The following SDK1 variants were observed in gnomAD, a reference collection of about 807,000 sequenced individuals.
SDK1 encodes the protein sidekick cell adhesion molecule 1.
A neutral mutation model predicts 245.5 loss-of-function variants in SDK1; 157 were observed. The ratio of observed to expected loss-of-function variants is 0.64; its 90% CI spans 0.56 to 0.73. SDK1 has a LOEUF of 0.73. Among genes scored for constraint, SDK1 ranks in the 30% least tolerant of loss-of-function variants. SDK1 has a pLI of 0.00. For synonymous variants in SDK1, 1,647 were observed against 1,278.5 expected (o/e 1.29, Z -6.15); for missense variants, 3,583 against 3,002.3 (o/e 1.19, Z -4.52).
chr7:3,500,468 C>T (rs1340016612), intron 1 of SDK1, among the ~76,000 whole-genome samples: 1 of 152,154 alleles, frequency 6.6e-6, no homozygotes, highest in Non-Finnish European at 1.5e-5. Context: ...GAAAGTATTG[C>T]TCCATTGACT....
At chr7:3,610,644 T>C (rs937553364) in intron 1 of SDK1, among the ~76,000 whole-genome samples, 16 of 152,266 alleles carry the variant, frequency 1.1e-4, no homozygotes, top group African/African-American at 3.9e-4. Flanking sequence ...TCAGCTTCAA[T>C]TGTGGATTAA....
At chr7:4,201,951 GAACCT>G (rs1341140601) in intron 35 of SDK1, among the ~76,000 whole-genome samples, 1 of 152,186 alleles carries the variant, frequency 6.6e-6, no homozygotes, top group Non-Finnish European at 1.5e-5. Context: ...TGTCTGGTGT[GAACCT>G]AACATGCACC....
intron 5 of SDK1, among the ~76,000 whole-genome samples, chr7:3,853,947 C>G (rs924981882): frequency 2.0e-5 from 3 of 152,230 alleles, no homozygotes; most frequent in African/African-American, 7.2e-5. Context: ...CGAGATTGCA[C>G]CACTGCACTC....
At position 4,204,915 on chromosome 7, in the gene SDK1, G is replaced by A. The variant is rs369706953; in HGVS notation, c.5099-964G>A. Among the ~76,000 whole-genome samples the A allele has an allele frequency of 1.8e-4, 24 of 134,394 alleles. No homozygotes were observed. The East Asian group carries it at 2.2e-3, about 12-fold the overall frequency. The allele number at this position is 134,394 out of a possible 152,430, so 88.2% of individuals were successfully genotyped here. ...GGCATGGGGCAGACAGGACGGAGGC[G>A]TTCTGGAACGCAGGCGTGTGCTCCC... On this transcript the variant is annotated intron_variant, in intron 35 of 44. Coordinates refer to ENST00000404826, the MANE Select transcript of SDK1 (RefSeq NM_152744.4).
At chr7:3,419,286 A>T (rs915931209) in intron 1 of SDK1, among the ~76,000 whole-genome samples, 2 of 152,238 alleles carry the variant, frequency 1.3e-5, no homozygotes, top group Non-Finnish European at 2.9e-5. Flanking sequence ...TCCTGGCTTC[A>T]GAATCCATGT....
Position 3,749,546 on chromosome 7 carries a change from G to A in SDK1, c.714-71904G>A, listed in dbSNP as rs540517451. Among the ~76,000 whole-genome samples the A allele has an allele frequency of 9.2e-5, 14 of 152,260 alleles. No homozygotes were observed. In the South Asian group the frequency reaches 2.5e-3, roughly 27 times the overall value. ...GAACTCCTGACCTCGTGATCCGCCCGCCTTGGCCTCCCAAAGTGCTGGGAT... is the reference window on the plus strand; with the variant it reads ...GAACTCCTGACCTCGTGATCCGCCCACCTTGGCCTCCCAAAGTGCTGGGAT... On this transcript the variant is annotated intron_variant, in intron 4 of 44. Coordinates refer to ENST00000404826, the MANE Select transcript of SDK1 (RefSeq NM_152744.4).
rs186690848 is a variant in SDK1, at chr7:4,012,244, C to A, written c.2420+9C>A. On this transcript the variant is annotated intron_variant, in intron 16 of 44. Transcript: ENST00000404826. ...CGTGGATACATCCTCAGGCAAGTGC[C>A]CTGTGATTGGCCATCTTTAGGCCGC... 3 of 1,481,840 alleles carry A rather than the reference C, an allele frequency of 2.0e-6. No individual in the cohort carries two copies. The highest frequency in any genetic ancestry group is 2.5e-5 in the Admixed American group (1 of 39,850). The allele number at this position is 1,481,840 out of a possible 1,614,324, so 91.8% of individuals were successfully genotyped here. A position where few individuals can be genotyped will look rare whatever the true frequency, so the allele number is the denominator to read the frequency against.
chr7:3,522,139 TTATTGTA>T (rs1273471363), intron 1 of SDK1, among the ~76,000 whole-genome samples: 1 of 152,230 alleles, frequency 6.6e-6, no homozygotes, highest in Non-Finnish European at 1.5e-5. Context: ...ATCTTTGGTT[TTATTGTA>T]TACAATAACT....
intron 5 of SDK1, among the ~76,000 whole-genome samples, chr7:3,860,136 G>A (rs6957676): frequency 0.21 from 32,163 of 151,894 alleles, 3,664 homozygotes; most frequent in Middle Eastern, 0.35. Flanking sequence ...TAGCCAGGAT[G>A]GTCTCACTCT....
rs558170501 is a variant in SDK1 at position 4,098,863 on chromosome 7, G to T, written c.3325-11800G>T. ...TTTTTTTTTTTTTTTGGCAGAGATG[G>T]GGTCTCCCTATGTGGCCCTGGCTGG... On this transcript the variant is annotated intron_variant, in intron 22 of 44. Transcript: ENST00000404826. Among the ~76,000 whole-genome samples the T allele has an allele frequency of 1.7e-4, 24 of 140,976 alleles. No homozygotes were observed. The South Asian group carries it at 5.4e-3, about 32-fold the overall frequency. 92.5% of individuals were successfully genotyped at this position (140,976 alleles called of 152,430 possible). A position where few individuals can be genotyped will look rare whatever the true frequency, so the allele number is the denominator to read the frequency against.
intron 4 of SDK1, among the ~76,000 whole-genome samples, chr7:3,666,812 A>G (rs1486251947): frequency 6.6e-6 from 1 of 152,154 alleles, no homozygotes; most frequent in East Asian, 1.9e-4. Context: ...CAGGTGGTCC[A>G]TGCCTTCCTA....
chr7:3,461,349 G>A (rs1780826212), intron 1 of SDK1, among the ~76,000 whole-genome samples: 1 of 152,126 alleles, frequency 6.6e-6, no homozygotes, highest in Admixed American at 6.6e-5. Flanking sequence ...AGCTGAAGTT[G>A]TATTACTTCA....
At chr7:4,215,203 C>G (rs76853931) in intron 38 of SDK1, among the ~76,000 whole-genome samples, 1 of 152,242 alleles carries the variant, frequency 6.6e-6, no homozygotes, top group Non-Finnish European at 1.5e-5. Flanking sequence ...GATGGCAGAT[C>G]AGACTCACTG....
rs2880458 is a variant in SDK1 at position 4,233,053 on chromosome 7, A to G, written c.5828-202A>G. 99 of 549,522 alleles carry G rather than the reference A, an allele frequency of 1.8e-4. 1 individual carries two copies. In the Admixed American group the frequency reaches 2.0e-3, roughly 11 times the overall value. The allele number at this position is 549,522 out of a possible 1,614,324, so 34.0% of individuals were successfully genotyped here. A position where few individuals can be genotyped will look rare whatever the true frequency, so the allele number is the denominator to read the frequency against. On this transcript the variant is annotated intron_variant, in intron 40 of 44. Transcript: ENST00000404826. ...GTAGCATTGAGCACGTTGTTCTACA[A>G]TCATCACACCATTCATCTCCAGAAC...
At chr7:3,459,363 C>A (rs78481295) in intron 1 of SDK1, among the ~76,000 whole-genome samples, 5,964 of 152,128 alleles carry the variant, frequency 0.039, 376 homozygotes, top group African/African-American at 0.13. Flanking sequence ...ATGCACAAAT[C>A]GTTTGCTGTT....
At chr7:3,522,882 G>C (rs1424153637) in intron 1 of SDK1, among the ~76,000 whole-genome samples, 1 of 63,474 alleles carries the variant, frequency 1.6e-5, no homozygotes, top group African/African-American at 6.7e-5. Context: ...TTTGTCTGCG[G>C]AGATCTGATT....
rs374895201 is a variant in SDK1, at chr7:3,743,862, C to A, written c.714-77588C>A. ...TTACTGGCCACAAGTTAGCAGCTAT[C>A]TGCCCCCATGAATGGATCATAAAAG... On this transcript the variant is annotated intron_variant, in intron 4 of 44. Transcript: ENST00000404826. Among the ~76,000 whole-genome samples, 14 of 152,276 alleles carry A rather than the reference C, an allele frequency of 9.2e-5. No homozygotes were observed. The East Asian group carries it at 2.3e-3, about 25-fold the overall frequency.
chr7:4,043,910 A>G (rs1011341367), intron 17 of SDK1, among the ~76,000 whole-genome samples: 4 of 151,664 alleles, frequency 2.6e-5, no homozygotes, highest in Non-Finnish European at 4.4e-5. Context: ...CGTCACAACA[A>G]ATGTTGGTCT....
chr7:4,066,134 ATTC>A (rs1056866329), intron 19 of SDK1, among the ~76,000 whole-genome samples: 1 of 152,044 alleles, frequency 6.6e-6, no homozygotes. Context: ...CTTCTCCATC[ATTC>A]TTTTCCTCCC....
Sources: gnomAD v4.1 joint callset for allele counts (sites outside exome capture counted in the v4.1 genomes callset) on GRCh38, gnomAD v4.1.1 for gene constraint, MANE v1.5 for transcripts, NCBI Gene and HGNC (gene_info 2026-07-23, HGNC 2026-07-21) for gene names.